TMC5: variants seen among roughly 807,000 people sequenced by gnomAD.
TMC5 encodes the protein transmembrane channel like 5, also known as transmembrane channel-like protein 5.
In TMC5, 86 loss-of-function variants were observed where a neutral mutation model predicts 110.5. The ratio of observed to expected loss-of-function variants is 0.78; its 90% CI spans 0.65 to 0.93. The LOEUF (loss-of-function observed/expected upper bound fraction) is 0.93, where lower values mean the gene tolerates loss of function less well. TMC5 is among the 40% of genes least tolerant of loss of function. The probability of loss-of-function intolerance (pLI) is 0.00; values close to 1 mark genes in which losing one functional copy is unlikely to be tolerated. For missense variants in TMC5, 1,144 were observed against 1,222.8 expected (o/e 0.94, Z 0.96); for synonymous variants, 455 against 439.5 (o/e 1.04, Z -0.44).
chr16:19,422,243 G>T lies in TMC5; in HGVS notation c.-308+4151G>T, dbSNP rs1479598095. Among the ~76,000 whole-genome samples the T allele has an allele frequency of 4.8e-5, 7 of 145,088 alleles. No homozygotes were observed. The South Asian group carries it at 6.4e-4, about 13-fold the overall frequency. On this transcript the variant is annotated intron_variant, in intron 1 of 21. Transcript: ENST00000542583. ...TAGACTCCATTTCAAAAAAAAAAAA[G>T]AGAGAGAGAGAGAAGACAGAATTTG... is the stretch of plus-strand genomic sequence containing the variant.
intron 14 of TMC5, among the ~76,000 whole-genome samples, chr16:19,479,945 AAAG>A (rs1292862930): frequency 9.9e-5 from 15 of 151,158 alleles, no homozygotes; most frequent in East Asian, 5.9e-4. Flanking sequence ...AAAAAAAAAA[AAAG>A]AAGAAGAAGA....
intron 5 of TMC5, 128 bp downstream of exon 5, chr16:19,449,759 C>T: frequency 2.6e-6 from 2 of 772,526 alleles, no homozygotes; most frequent in Non-Finnish European, 4.4e-6. Context: ...ATGCTGTTCT[C>T]ATGATATTGA....
At chr16:19,456,164 G>A (rs1019686733) in intron 5 of TMC5, among the ~76,000 whole-genome samples, 2 of 151,420 alleles carry the variant, frequency 1.3e-5, no homozygotes, top group South Asian at 2.1e-4. Flanking sequence ...CTGAGATCGC[G>A]CCACTGCACT....
intron 1 of TMC5, among the ~76,000 whole-genome samples, chr16:19,425,315 G>A (rs555508697): frequency 2.1e-5 from 3 of 145,296 alleles, no homozygotes; most frequent in Non-Finnish European, 4.5e-5. Context: ...TGGTCCAGGT[G>A]AGTTGAGTTT....
intron 6 of TMC5, among the ~76,000 whole-genome samples, chr16:19,462,916 A>G (rs1968063968): frequency 6.6e-6 from 1 of 151,186 alleles, no homozygotes. Flanking sequence ...AAAAAAAAGA[A>G]AAAGGAAGAA....
chr16:19,494,489 A>G (rs546370822), intron 20 of TMC5, 123 bp downstream of exon 20: 2 of 662,704 alleles, frequency 3.0e-6, no homozygotes, highest in South Asian at 3.9e-5. Flanking sequence ...CTCTGTCTTA[A>G]GTATTTCTGT....
intron 5 of TMC5, among the ~76,000 whole-genome samples, chr16:19,455,348 G>A (rs1377250494): frequency 6.6e-6 from 1 of 152,038 alleles, no homozygotes; most frequent in Non-Finnish European, 1.5e-5. Context: ...CTGAACCCAG[G>A]AGGCAAAGGC....
intron 12 of TMC5, among the ~76,000 whole-genome samples, chr16:19,476,360 A>C (rs1054070658): frequency 6.6e-6 from 1 of 152,038 alleles, no homozygotes; most frequent in Non-Finnish European, 1.5e-5. Flanking sequence ...AAAGAAAGAG[A>C]GAAAGAGAGA....
chr16:19,492,112 T>C lies in TMC5; in HGVS notation c.2748-38T>C, dbSNP rs767275930. The C allele has an allele frequency of 4.6e-6, 7 of 1,525,182 alleles. 1 individual carries two copies. The South Asian group carries it at 6.8e-5, about 15-fold the overall frequency. The allele number at this position is 1,525,182 out of a possible 1,614,324, so 94.5% of individuals were successfully genotyped here. A position where few individuals can be genotyped will look rare whatever the true frequency, so the allele number is the denominator to read the frequency against. ...GTGGAAATTCAGAGCCTGCAAAACA[T>C]TTGCAAGAGTGTCATTCTTTCTTTT... On this transcript the variant is annotated intron_variant, in intron 18 of 21. Coordinates refer to ENST00000542583, the MANE Select transcript of TMC5 (RefSeq NM_001261841.2).
chr16:19,477,375 C>A (rs2143675129), intron 12 of TMC5, 65 bp from the exon 13 acceptor site: 1 of 1,221,148 alleles, frequency 8.2e-7, no homozygotes, highest in African/African-American at 1.5e-5. Flanking sequence ...CCCAAAGGAG[C>A]TATTTGCAGA....
Position 19,479,492 on chromosome 16 carries a change from CT to C in TMC5, c.2234del (p.Leu745Ter). 2 of 1,614,044 alleles carry C rather than the reference CT, an allele frequency of 1.2e-6. No individual in the cohort carries two copies. The highest frequency in any genetic ancestry group is 1.7e-6 in the Non-Finnish European group (2 of 1,179,950). ...CTCCTTCTGATGGATTTTGTGTTCT[CT>C]TTAGTCAATTCCTTCCTGGGGGAGT... ...YRLLLMDFVFSLVNSFLGEFL... is the reference protein window; with the variant it reads ...YRLLLMDFVFXLVNSFLGEFL... On this transcript the variant is annotated frameshift_variant, in exon 14 of 22. Transcript: ENST00000542583. LOFTEE classifies it high-confidence loss of function.
chr16:19,469,803 A>C lies in TMC5; in HGVS notation c.1760A>C (p.Lys587Thr), dbSNP rs1968282772. Residue 587 changes from lysine to threonine, a missense_variant, in exon 10 of 22, where the codon AAG becomes ACG. Coordinates refer to ENST00000542583, the MANE Select transcript of TMC5 (RefSeq NM_001261841.2). The part of the protein sequence containing the change: ...THEKAVKLKQ[K>T]NLSTEIRENL... The stretch of plus-strand genomic sequence containing the variant: ...GAAAAAGCTGTGAAGCTAAAACAGA[A>C]GAATCTTAGCACTGAGATAAGGGTA... 6.2e-7 allele frequency: 1 copy of C among 1,614,034 alleles called. No individual in the cohort carries two copies.
chr16:19,428,421 G>A (rs1967131006), intron 1 of TMC5, among the ~76,000 whole-genome samples: 1 of 151,064 alleles, frequency 6.6e-6, no homozygotes, highest in Non-Finnish European at 1.5e-5. Context: ...CGATTGCGCT[G>A]GCTTAGACTC....
chr16:19,445,940 G>A (rs1281167933), intron 4 of TMC5, among the ~76,000 whole-genome samples: 1 of 151,856 alleles, frequency 6.6e-6, no homozygotes, highest in Non-Finnish European at 1.5e-5. Flanking sequence ...ACTTGAGCCT[G>A]GGAGGTTGAG....
At chr16:19,464,670 A>G (rs1425439573) in intron 8 of TMC5, among the ~76,000 whole-genome samples, 2 of 151,622 alleles carry the variant, frequency 1.3e-5, no homozygotes, top group East Asian at 3.9e-4. Context: ...TGTGGTGGGC[A>G]TTTTCTTGTG....
intron 1 of TMC5, among the ~76,000 whole-genome samples, chr16:19,426,491 G>A (rs1967090361): frequency 6.6e-6 from 1 of 152,186 alleles, no homozygotes; most frequent in South Asian, 2.1e-4. Flanking sequence ...CGGGTCTCCA[G>A]TAAGCAGCAT....
intron 5 of TMC5, among the ~76,000 whole-genome samples, chr16:19,455,847 AG>A (rs1441758024): frequency 3.3e-5 from 5 of 152,202 alleles, no homozygotes; most frequent in Non-Finnish European, 5.9e-5. Context: ...CTAAGGCATC[AG>A]GAGATAATAA....
chr16:19,434,204 A>C (rs1313309719), intron 2 of TMC5, among the ~76,000 whole-genome samples: 1 of 122,578 alleles, frequency 8.2e-6, no homozygotes, highest in Non-Finnish European at 1.6e-5. Flanking sequence ...ATATATCTAT[A>C]TATCTATAGT....
intron 15 of TMC5, among the ~76,000 whole-genome samples, chr16:19,481,873 T>C (rs1261815035): frequency 6.6e-6 from 1 of 152,072 alleles, no homozygotes; most frequent in Admixed American, 6.6e-5. Flanking sequence ...CCCTTAGGAA[T>C]AGGATTAGTG....
Sources: gnomAD v4.1 joint callset for allele counts (sites outside exome capture counted in the v4.1 genomes callset) on GRCh38, gnomAD v4.1.1 for gene constraint, MANE v1.5 for transcripts, NCBI Gene and HGNC (gene_info 2026-07-23, HGNC 2026-07-21) for gene names.